Variants in EDA observed in about 807,000 individuals in gnomAD.
The protein encoded by EDA is ectodysplasin-A.
Under a neutral mutation model 23.6 loss-of-function variants are expected in EDA, and 2 were observed. The observed-to-expected ratio is 0.08, with a 90% confidence interval of 0.03 to 0.27. The LOEUF (loss-of-function observed/expected upper bound fraction) is 0.27. Among genes scored for constraint, EDA ranks in the 10% least tolerant of loss-of-function variants. The pLI, the probability that EDA is intolerant of heterozygous loss-of-function variation, is 1.00. For synonymous variants in EDA, 131 were observed against 132.0 expected (o/e 0.99, Z 0.05); for missense variants, 229 against 324.2 (o/e 0.71, Z 2.26).
chrX:70,030,825 T>C (rs762825017), intron 6 of EDA, among the ~76,000 whole-genome samples: 1 of 112,520 alleles, frequency 8.9e-6, no homozygotes, highest in Non-Finnish European at 1.9e-5. Context: ...GAGATATGTG[T>C]AGTTAGATTA....
At chrX:69,716,197 T>C (rs993793531) in intron 1 of EDA, among the ~76,000 whole-genome samples, 1 of 112,043 alleles carries the variant, frequency 8.9e-6, no homozygotes, top group African/African-American at 3.2e-5. Flanking sequence ...TTTTATAGTT[T>C]GGGGTTTTAC....
At chrX:69,794,753 A>G (rs1018208884) in intron 1 of EDA, among the ~76,000 whole-genome samples, 2 of 112,004 alleles carry the variant, frequency 1.8e-5, no homozygotes, top group African/African-American at 6.5e-5. Flanking sequence ...GGTAAAATAA[A>G]GTGAACTAGG....
chrX:69,797,057 G>C (rs1245919345), intron 1 of EDA, among the ~76,000 whole-genome samples: 2 of 110,956 alleles, frequency 1.8e-5, no homozygotes, highest in Non-Finnish European at 3.8e-5. Context: ...GAACAAAAAA[G>C]AATAAGCAGA....
chrX:69,807,258 T>G (rs1480485561), intron 1 of EDA, among the ~76,000 whole-genome samples: 1 of 107,934 alleles, frequency 9.3e-6, no homozygotes. Context: ...GTAACATGTA[T>G]TTTTTGGACA....
At chrX:69,835,732 C>T (rs966786537) in intron 1 of EDA, among the ~76,000 whole-genome samples, 1 of 112,018 alleles carries the variant, frequency 8.9e-6, no homozygotes, top group Non-Finnish European at 1.9e-5. Context: ...GTCAGTCATT[C>T]TCCATCCAGC....
intron 2 of EDA, among the ~76,000 whole-genome samples, chrX:69,973,355 TTGTA>T (rs2019273658): frequency 9.0e-6 from 1 of 111,377 alleles, no homozygotes; most frequent in Admixed American, 9.6e-5. Flanking sequence ...TTCTCAAAAT[TTGTA>T]TGGGAACCTT....
intron 5 of EDA, 65 bp downstream of exon 5, chrX:70,029,603 T>G: frequency 9.1e-7 from 1 of 1,097,380 alleles, no homozygotes; most frequent in Non-Finnish European, 1.3e-6. Context: ...CACCTTTAAA[T>G]TAGCTTCTTA....
At chrX:69,626,047 A>G (rs946665325) in intron 1 of EDA, among the ~76,000 whole-genome samples, 4 of 111,702 alleles carry the variant, frequency 3.6e-5, no homozygotes, top group African/African-American at 1.3e-4. Flanking sequence ...CAAATGGCTA[A>G]ATAAATACAT....
At chrX:69,802,548 C>A (rs1010962659) in intron 1 of EDA, among the ~76,000 whole-genome samples, 12 of 110,433 alleles carry the variant, frequency 1.1e-4, no homozygotes, top group Admixed American at 3.9e-4. Context: ...ATTCTTTGTG[C>A]CTTTTTATAA....
In EDA at chrX:69,899,705, G is replaced by A. The variant is rs182769750; in HGVS notation, c.397-57322G>A. Among the ~76,000 whole-genome samples, 62 of 110,949 alleles carry A rather than the reference G, an allele frequency of 5.6e-4. No homozygotes were observed. In the East Asian group the frequency reaches 5.6e-3, roughly 10 times the overall value. The stretch of plus-strand genomic sequence containing the variant: ...ACTTTACATTCTCCAAAATACTTCC[G>A]TATACATTCTTGTTTAATCCTTATA... On this transcript the variant is annotated intron_variant, in intron 1 of 7. Coordinates refer to ENST00000374552, the MANE Select transcript of EDA (RefSeq NM_001399.5).
chrX:69,970,960 T>G (rs1299522524), intron 2 of EDA, among the ~76,000 whole-genome samples: 2 of 111,860 alleles, frequency 1.8e-5, no homozygotes, highest in African/African-American at 6.5e-5. Context: ...GTCTTAAAGA[T>G]TATATAATGT....
chrX:69,757,515 T>G (rs2014161488), intron 1 of EDA, among the ~76,000 whole-genome samples: 2 of 112,391 alleles, frequency 1.8e-5, no homozygotes, highest in Non-Finnish European at 3.8e-5. Flanking sequence ...ATCTGGTATA[T>G]AGTAAGGACC....
chrX:69,973,505 A>G (rs2019275692), intron 2 of EDA, among the ~76,000 whole-genome samples: 1 of 111,627 alleles, frequency 9.0e-6, no homozygotes. Context: ...CTTCACAAGC[A>G]GCTCCACTCC....
At chrX:69,655,611 A>G (rs760557656) in intron 1 of EDA, among the ~76,000 whole-genome samples, 28 of 106,010 alleles carry the variant, frequency 2.6e-4, no homozygotes, top group African/African-American at 9.1e-4. Flanking sequence ...TTTTAGCATG[A>G]TAATACCTAC....
intron 1 of EDA, among the ~76,000 whole-genome samples, chrX:69,765,816 A>C (rs2014453225): frequency 9.0e-6 from 1 of 111,220 alleles, no homozygotes; most frequent in African/African-American, 3.3e-5. Context: ...AATAAAAACA[A>C]TTCCATCACC....
At chrX:70,023,464 C>T (rs751492183) in intron 3 of EDA, among the ~76,000 whole-genome samples, 10 of 101,838 alleles carry the variant, frequency 9.8e-5, no homozygotes, top group Admixed American at 4.4e-4. Context: ...CTTCTCCCTG[C>T]CCTTCTTTTT....
At chrX:69,920,491 CT>C (rs1422000014) in intron 1 of EDA, among the ~76,000 whole-genome samples, 1 of 111,439 alleles carries the variant, frequency 9.0e-6, no homozygotes, top group African/African-American at 3.3e-5. Flanking sequence ...ATTTCTCAGA[CT>C]TTCCAATGAC....
intron 1 of EDA, among the ~76,000 whole-genome samples, chrX:69,934,111 G>A (rs1052135696): frequency 9.0e-6 from 1 of 111,694 alleles, no homozygotes; most frequent in Non-Finnish European, 1.9e-5. Flanking sequence ...CCAGATATAA[G>A]GCCTGCACCT....
chrX:69,912,854 GCCT>G (rs1311556766), intron 1 of EDA, among the ~76,000 whole-genome samples: 1 of 101,897 alleles, frequency 9.8e-6, no homozygotes, highest in Non-Finnish European at 2.0e-5. Flanking sequence ...CGCAACTTCT[GCCT>G]CCCAGGTTCA....
Sources: allele counts gnomAD v4.1 joint callset (sites outside exome capture counted in the v4.1 genomes callset), GRCh38; gene constraint gnomAD v4.1.1; transcripts MANE v1.5; gene names NCBI Gene and HGNC (gene_info 2026-07-23, HGNC 2026-07-21).